GALNT1: variants seen among roughly 807,000 people sequenced by gnomAD.
The protein encoded by GALNT1 is polypeptide N-acetylgalactosaminyltransferase 1, also known as GalNAc transferase 1.
GALNT1 carries 17 observed loss-of-function variants against 65.7 expected under a neutral mutation model. The observed-to-expected ratio is 0.26, with a 90% CI of 0.18 to 0.39. The LOEUF (loss-of-function observed/expected upper bound fraction) is 0.39, where lower values mean the gene tolerates loss of function less well. Among genes scored for constraint, GALNT1 ranks in the 10% least tolerant of loss-of-function variants. The probability of loss-of-function intolerance (pLI) is 1.00; values close to 1 mark genes in which losing one functional copy is unlikely to be tolerated. For missense variants in GALNT1, 460 were observed against 672.8 expected (o/e 0.68, Z 3.50); for synonymous variants, 210 against 219.7 (o/e 0.96, Z 0.39).
chr18:35,637,377 C>G (rs577810699), intron 1 of GALNT1, among the ~76,000 whole-genome samples: 4 of 152,290 alleles, frequency 2.6e-5, no homozygotes, highest in South Asian at 4.1e-4. Flanking sequence ...GGAAGCTACT[C>G]CAGTGAACAC....
intron 2 of GALNT1, among the ~76,000 whole-genome samples, chr18:35,655,033 G>A (rs1452946903): frequency 6.6e-6 from 1 of 152,120 alleles, no homozygotes; most frequent in East Asian, 1.9e-4. Flanking sequence ...AATATTTAGT[G>A]TAGTTAATTT....
Position 35,623,323 on chromosome 18 carries a change from T to C in GALNT1, c.-103-31237T>C, listed in dbSNP as rs192007051. Among the ~76,000 whole-genome samples the C allele has an allele frequency of 6.7e-3, 1,022 of 152,260 alleles. 11 individuals are homozygous for C. Among genetic ancestry groups the C allele is most frequent in the African/African-American group, 0.023 (945 of 41,562 alleles). Reference sequence around the variant, plus strand: ...TTTCCCCTGTACATACATTTTTTTTTCCCTGTGGATGCTTTCAATATTTTG... The same window carrying C: ...TTTCCCCTGTACATACATTTTTTTTCCCCTGTGGATGCTTTCAATATTTTG... On this transcript the variant is annotated intron_variant, in intron 1 of 11. Transcript: ENST00000269195.
At chr18:35,662,719 A>T (rs765961743) in intron 2 of GALNT1, among the ~76,000 whole-genome samples, 1 of 152,172 alleles carries the variant, frequency 6.6e-6, no homozygotes, top group Non-Finnish European at 1.5e-5. Context: ...CCCATTTTTG[A>T]CCTCACCTCA....
chr18:35,660,026 C>A (rs1464404595), intron 2 of GALNT1: 1 of 151,948 alleles, frequency 6.6e-6, no homozygotes, highest in Admixed American at 6.6e-5. Flanking sequence ...TGTATACCAC[C>A]GTAAAAGTGA....
chr18:35,651,103 C>T (rs1391564658), intron 1 of GALNT1, among the ~76,000 whole-genome samples: 4 of 152,142 alleles, frequency 2.6e-5, no homozygotes, highest in African/African-American at 9.7e-5. Context: ...GCTGGTCCCT[C>T]CGTTCGGGGT....
chr18:35,613,322 A>G (rs2046741756), intron 1 of GALNT1, among the ~76,000 whole-genome samples: 1 of 152,042 alleles, frequency 6.6e-6, no homozygotes. Context: ...TCAAAACTTT[A>G]AGAGGCTTCT....
chr18:35,593,161 T>C (rs929017335), intron 1 of GALNT1, among the ~76,000 whole-genome samples: 21 of 152,054 alleles, frequency 1.4e-4, no homozygotes, highest in African/African-American at 5.1e-4. Flanking sequence ...TGTTTTCAGG[T>C]GTTGAACCAT....
intron 1 of GALNT1, among the ~76,000 whole-genome samples, chr18:35,594,299 A>T (rs539716526): frequency 1.3e-5 from 2 of 152,326 alleles, no homozygotes; most frequent in South Asian, 4.1e-4. Flanking sequence ...GAAAAAACTC[A>T]GAGGAACAAG....
At chr18:35,691,311 G>T in intron 8 of GALNT1, 119 bp downstream of exon 8, 1 of 741,354 alleles carries the variant, frequency 1.3e-6, no homozygotes. Context: ...GCCTCATAAG[G>T]TCATTGTAAG....
chr18:35,707,982 T>G (rs7233126), intron 11 of GALNT1, among the ~76,000 whole-genome samples: 2 of 152,218 alleles, frequency 1.3e-5, no homozygotes, highest in Non-Finnish European at 2.9e-5. Context: ...AAATTACCAT[T>G]GTATGTAAAT....
At chr18:35,702,105 A>C (rs2048174467) in intron 9 of GALNT1, among the ~76,000 whole-genome samples, 1 of 152,176 alleles carries the variant, frequency 6.6e-6, no homozygotes, top group South Asian at 2.1e-4. Context: ...ATATTGGAAT[A>C]ATATGCAGAC....
In GALNT1 at chr18:35,687,176, C is replaced by T; in HGVS notation, c.850C>T (p.Leu284Phe). The T allele has an allele frequency of 6.2e-7, 1 of 1,611,906 alleles. No individual in the cohort carries two copies. The highest frequency in any genetic ancestry group is 1.1e-5 in the South Asian group (1 of 90,548). The change falls in exon 6 of 12, where the codon CTT becomes TTT. Residue 284 changes from leucine (L) to phenylalanine (F), a missense_variant. Physicochemically the swap from Leu to Phe is conservative, Grantham distance 22 (BLOSUM62 0). Transcript: ENST00000269195. ...EMDRRKGDRT[L>F]PVRTPTMAGG... Reference sequence around the variant, plus strand: ...GGACAGAAGGAAAGGTGATCGGACTCTTCCTGTCAGGTAATTAATTTGTCA... The same window carrying T: ...GGACAGAAGGAAAGGTGATCGGACTTTTCCTGTCAGGTAATTAATTTGTCA...
At chr18:35,702,410 T>G (rs1377241379) in intron 9 of GALNT1, among the ~76,000 whole-genome samples, 1 of 152,194 alleles carries the variant, frequency 6.6e-6, no homozygotes, top group Non-Finnish European at 1.5e-5. Context: ...TAAATTCCTT[T>G]TATGTAATCC....
chr18:35,711,272 A>G lies in GALNT1; in HGVS notation c.*1502A>G, dbSNP rs1296836987. The G allele has an allele frequency of 1.3e-5, 2 of 152,604 alleles. No individual in the cohort carries two copies. The highest frequency in any genetic ancestry group is 2.9e-5 in the Non-Finnish European group (2 of 68,022). 9.5% of individuals were successfully genotyped at this position (152,604 alleles called of 1,614,324 possible). A position where few individuals can be genotyped will look rare whatever the true frequency, so the allele number is the denominator to read the frequency against. Reference sequence around the variant, plus strand: ...TATTTTCTTTCATATTTGTAAAATTATATTTAATGGAATTCTTTTCTTTGA... The same window carrying G: ...TATTTTCTTTCATATTTGTAAAATTGTATTTAATGGAATTCTTTTCTTTGA... On this transcript the variant is annotated 3_prime_UTR_variant, in exon 12 of 12. Transcript: ENST00000269195.
At chr18:35,692,127 A>T (rs2047974385) in intron 8 of GALNT1, 54 bp from the exon 9 acceptor site, 1 of 1,470,976 alleles carries the variant, frequency 6.8e-7, no homozygotes, top group African/African-American at 1.4e-5. Context: ...ATATATAAAC[A>T]TGTGTTACCT....
chr18:35,665,640 A>G (rs2144477889), intron 3 of GALNT1, among the ~76,000 whole-genome samples: 1 of 152,350 alleles, frequency 6.6e-6, no homozygotes, highest in African/African-American at 2.4e-5. Flanking sequence ...GAAGGTCACA[A>G]TCAAAAGGTT....
intron 1 of GALNT1, among the ~76,000 whole-genome samples, chr18:35,634,616 G>A (rs1157001071): frequency 6.6e-6 from 1 of 152,170 alleles, no homozygotes; most frequent in Non-Finnish European, 1.5e-5. Flanking sequence ...GTGTACTAGG[G>A]AACCTCATTA....
chr18:35,669,624 T>G (rs1043055190), intron 3 of GALNT1, among the ~76,000 whole-genome samples: 2 of 152,172 alleles, frequency 1.3e-5, no homozygotes, highest in African/African-American at 4.8e-5. Flanking sequence ...TTGATAAAAT[T>G]TGTCACTGTC....
chr18:35,672,558 C>G (rs936873578), intron 3 of GALNT1, among the ~76,000 whole-genome samples: 1 of 152,130 alleles, frequency 6.6e-6, no homozygotes, highest in Non-Finnish European at 1.5e-5. Context: ...TGGTGTGTAG[C>G]TGGCTGTGCC....
Sources: allele counts gnomAD v4.1 joint callset (sites outside exome capture counted in the v4.1 genomes callset), GRCh38; gene constraint gnomAD v4.1.1; transcripts MANE v1.5; gene names NCBI Gene and HGNC (gene_info 2026-07-23, HGNC 2026-07-21).